PIK3AP1: variants seen among roughly 807,000 people sequenced by gnomAD.
PIK3AP1 encodes the protein phosphoinositide 3-kinase adapter protein 1.
In PIK3AP1, 21 loss-of-function variants were observed where a neutral mutation model predicts 88.1. The ratio of observed to expected loss-of-function variants is 0.24; its 90% CI spans 0.17 to 0.34. The LOEUF (loss-of-function observed/expected upper bound fraction) is 0.34. Among genes scored for constraint, PIK3AP1 ranks in the 10% least tolerant of loss-of-function variants. PIK3AP1 has a pLI of 1.00. For missense variants in PIK3AP1, 828 were observed against 1,035.7 expected, an observed-to-expected ratio of 0.80 and a Z score of 2.75; for synonymous variants, 398 against 400.0, an observed-to-expected ratio of 1.00 and a Z score of 0.06.
At chr10:96,651,156 G>A in intron 6 of PIK3AP1, 92 bp downstream of exon 6, 1 of 1,521,320 alleles carries the variant, frequency 6.6e-7, no homozygotes, top group Non-Finnish European at 9.1e-7. Context: ...AAGAGTTACA[G>A]CAGAAGGTAA....
intron 14 of PIK3AP1, among the ~76,000 whole-genome samples, chr10:96,604,443 C>T (rs1484280093): frequency 6.7e-6 from 1 of 149,886 alleles, no homozygotes. Context: ...AGCGATCCTC[C>T]TGCCTCAGCC....
At chr10:96,624,486 G>A (rs1356040494) in intron 10 of PIK3AP1, among the ~76,000 whole-genome samples, 3 of 152,102 alleles carry the variant, frequency 2.0e-5, no homozygotes, top group East Asian at 1.9e-4. Flanking sequence ...TAATCTATAC[G>A]TGTATTATTA....
intron 1 of PIK3AP1, among the ~76,000 whole-genome samples, chr10:96,718,864 C>A (rs997850932): frequency 2.0e-5 from 3 of 152,134 alleles, no homozygotes; most frequent in African/African-American, 2.4e-5. Context: ...CACAGCCCAC[C>A]TACTCCAGCC....
At chr10:96,639,750 G>C (rs890641367) in intron 8 of PIK3AP1, among the ~76,000 whole-genome samples, 7 of 152,228 alleles carry the variant, frequency 4.6e-5, no homozygotes, top group African/African-American at 1.7e-4. Flanking sequence ...CTTGCCAAAA[G>C]GGATGGCAGG....
At chr10:96,707,730 T>C (rs192772906) in intron 2 of PIK3AP1, among the ~76,000 whole-genome samples, 1 of 152,194 alleles carries the variant, frequency 6.6e-6, no homozygotes, top group African/African-American at 2.4e-5. Flanking sequence ...CATAAGATCA[T>C]CCACAGAAAC....
rs192632934 is a variant in PIK3AP1 at position 96,711,904 on chromosome 10, T to C, written c.14-1921A>G. Among the ~76,000 whole-genome samples, 554 of 151,328 alleles carry C rather than the reference T, an allele frequency of 3.7e-3. 7 individuals carry two copies. The highest frequency in any genetic ancestry group is 2.1e-3 in the Non-Finnish European group (141 of 67,808). The stretch of plus-strand genomic sequence containing the variant: ...TAGCTGGGACTACAGGCGCCCGCCA[T>C]CACGCCCGGCTAATTTTTTTTTTTT... On this transcript the variant is annotated intron_variant, in intron 1 of 16. Transcript: ENST00000339364.
intron 1 of PIK3AP1, among the ~76,000 whole-genome samples, chr10:96,717,782 A>G (rs1200729351): frequency 6.6e-6 from 1 of 152,138 alleles, no homozygotes; most frequent in Non-Finnish European, 1.5e-5. Context: ...ACGTGTAAAT[A>G]CACAAGATGC....
At chr10:96,703,181 A>AT (rs916219531) in intron 2 of PIK3AP1, among the ~76,000 whole-genome samples, 1 of 151,982 alleles carries the variant, frequency 6.6e-6, no homozygotes, top group African/African-American at 2.4e-5. Flanking sequence ...CCCAGCCCTT[A>AT]TTTTTTCTTT....
At chr10:96,711,876 A>G (rs1040979803) in intron 1 of PIK3AP1, among the ~76,000 whole-genome samples, 1 of 147,610 alleles carries the variant, frequency 6.8e-6, no homozygotes, top group South Asian at 2.1e-4. Flanking sequence ...TCAGCCTCCC[A>G]AGTAGCTGGG....
rs1843633663 is a variant in PIK3AP1, at chr10:96,657,690, T to C, written c.431-756A>G. Among the ~76,000 whole-genome samples, 3 of 152,270 alleles carry C rather than the reference T, an allele frequency of 2.0e-5. No individual in the cohort carries two copies. The South Asian group carries it at 6.2e-4, about 32-fold the overall frequency. On this transcript the variant is annotated intron_variant, in intron 2 of 16. Coordinates refer to ENST00000339364, the MANE Select transcript of PIK3AP1 (RefSeq NM_152309.3). ...GTGTGTGTGTGTGTGCATGCACATG[T>C]GTATGCATTTGCCTGCACTTTTCTG...
intron 14 of PIK3AP1, among the ~76,000 whole-genome samples, chr10:96,607,022 A>G (rs1589482752): frequency 6.6e-6 from 1 of 152,268 alleles, no homozygotes; most frequent in South Asian, 2.1e-4. Flanking sequence ...TCTCTTAAAC[A>G]TAACACTAAT....
intron 8 of PIK3AP1, among the ~76,000 whole-genome samples, chr10:96,631,186 C>G (rs1843240085): frequency 6.6e-6 from 1 of 152,158 alleles, no homozygotes; most frequent in Non-Finnish European, 1.5e-5. Context: ...CCATACCTGT[C>G]TCAGGCCCCA....
At chr10:96,701,867 C>T (rs954367534) in intron 2 of PIK3AP1, among the ~76,000 whole-genome samples, 3 of 152,146 alleles carry the variant, frequency 2.0e-5, no homozygotes, top group Non-Finnish European at 4.4e-5. Context: ...TTAGAACTTA[C>T]AGGGGTTTTT....
intron 2 of PIK3AP1, among the ~76,000 whole-genome samples, chr10:96,674,997 A>C (rs1033602597): frequency 2.0e-5 from 3 of 152,174 alleles, no homozygotes. Flanking sequence ...GGTTCAAGCA[A>C]TTCTCCTGCC....
At chr10:96,716,416 A>G (rs2134297682) in intron 1 of PIK3AP1, among the ~76,000 whole-genome samples, 1 of 152,348 alleles carries the variant, frequency 6.6e-6, no homozygotes, top group East Asian at 1.9e-4. Context: ...TAACATTACA[A>G]CCTATTTGGT....
At chr10:96,629,714 CAAA>C (rs33921990) in intron 8 of PIK3AP1, among the ~76,000 whole-genome samples, 1 of 71,742 alleles carries the variant, frequency 1.4e-5, no homozygotes, top group African/African-American at 6.1e-5. Context: ...CCCATCTCTA[CAAA>C]AAAAAAAAAA....
At chr10:96,676,654 G>GTT (rs35544369) in intron 2 of PIK3AP1, among the ~76,000 whole-genome samples, 6 of 133,022 alleles carry the variant, frequency 4.5e-5, no homozygotes, top group Non-Finnish European at 6.5e-5. Flanking sequence ...ATTTTCTGGG[G>GTT]TTTTTTTTTT....
At chr10:96,616,748 C>T (rs1181623206) in intron 12 of PIK3AP1, 37 bp from the exon 13 acceptor site, 3 of 1,565,484 alleles carry the variant, frequency 1.9e-6, no homozygotes, top group Non-Finnish European at 2.6e-6. Context: ...AAGTGTACAA[C>T]AGGATGATAC....
At chr10:96,719,933 C>T (rs750085974) in intron 1 of PIK3AP1, among the ~76,000 whole-genome samples, 10 of 152,204 alleles carry the variant, frequency 6.6e-5, no homozygotes, top group Non-Finnish European at 1.2e-4. Flanking sequence ...AGGGCCTCCC[C>T]GGCTGATCTC....
Sources: gnomAD v4.1 joint callset for allele counts (sites outside exome capture counted in the v4.1 genomes callset) on GRCh38, gnomAD v4.1.1 for gene constraint, MANE v1.5 for transcripts, NCBI Gene and HGNC (gene_info 2026-07-23, HGNC 2026-07-21) for gene names.